The following SBNO1 variants were observed in gnomAD, a reference collection of about 807,000 sequenced individuals.
SBNO1 encodes strawberry notch homolog 1.
In SBNO1, 23 loss-of-function variants were observed where a neutral mutation model predicts 173.6. The ratio of observed to expected loss-of-function variants is 0.13; its 90% CI spans 0.10 to 0.19. The LOEUF (loss-of-function observed/expected upper bound fraction) is 0.19, where lower values mean the gene tolerates loss of function less well. Among genes scored for constraint, SBNO1 ranks in the 10% least tolerant of loss-of-function variants. The pLI is 1.00. For missense variants in SBNO1, 1,238 were observed against 1,671.2 expected, an observed-to-expected ratio of 0.74 and a Z score of 4.52; for synonymous variants, 632 against 571.5, an observed-to-expected ratio of 1.11 and a Z score of -1.51.
chr12:123,299,448 G>A (rs972487624), intron 30 of SBNO1, among the ~76,000 whole-genome samples: 4 of 151,828 alleles, frequency 2.6e-5, no homozygotes, highest in Admixed American at 6.6e-5. Flanking sequence ...TTGGGAGGCC[G>A]AAGCAGGCAG....
At position 123,364,204 on chromosome 12, in the gene SBNO1, G is replaced by C. The variant is rs373136466; in HGVS notation, c.-1+497C>G. 83 of 985,668 alleles carry C rather than the reference G, an allele frequency of 8.4e-5. No individual in the cohort carries two copies. In the East Asian group the frequency reaches 5.4e-3, roughly 65 times the overall value. 61.1% of individuals were successfully genotyped at this position (985,668 alleles called of 1,614,324 possible). Reference sequence around the variant, plus strand: ...GCGCTGTGGGGTTCAGATTTAGGAAGGACGACCGCGTCGCCTGCCTCCCTC... The same window carrying C: ...GCGCTGTGGGGTTCAGATTTAGGAACGACGACCGCGTCGCCTGCCTCCCTC... On this transcript the variant is annotated intron_variant, in intron 1 of 31. Transcript: ENST00000602398.
chr12:123,307,982 G>C (rs769630867), intron 28 of SBNO1, among the ~76,000 whole-genome samples: 5 of 152,142 alleles, frequency 3.3e-5, no homozygotes, highest in Non-Finnish European at 7.4e-5. Context: ...TGTGGCAGGA[G>C]AATCGCTTGA....
chr12:123,356,839 T>C (rs1874517379), intron 1 of SBNO1, among the ~76,000 whole-genome samples: 1 of 152,238 alleles, frequency 6.6e-6, no homozygotes, highest in Non-Finnish European at 1.5e-5. Context: ...TAGAATAAAC[T>C]GGTGGACATT....
chr12:123,344,005 A>G (rs1467270709), intron 4 of SBNO1, among the ~76,000 whole-genome samples: 1 of 152,162 alleles, frequency 6.6e-6, no homozygotes, highest in Admixed American at 6.6e-5. Context: ...CTCCAAATCT[A>G]TCCCGTTTTC....
chr12:123,363,831 A>G, intron 1 of SBNO1: 1 of 983,832 alleles, frequency 1.0e-6, no homozygotes, highest in Non-Finnish European at 1.2e-6. Flanking sequence ...AGAAGCACAA[A>G]GCAGGGGTGG....
At chr12:123,355,436 T>C (rs1213193985) in intron 1 of SBNO1, among the ~76,000 whole-genome samples, 1 of 151,998 alleles carries the variant, frequency 6.6e-6, no homozygotes, top group African/African-American at 2.4e-5. Context: ...TGAAACCGTC[T>C]CCTCTAAAAA....
At chr12:123,351,932 G>A (rs769912373) in intron 1 of SBNO1, among the ~76,000 whole-genome samples, 7 of 152,068 alleles carry the variant, frequency 4.6e-5, no homozygotes, top group Non-Finnish European at 7.4e-5. Context: ...AATAAACACC[G>A]AGCCCAGAAG....
At chr12:123,313,056 A>G (rs1029176807) in intron 24 of SBNO1, among the ~76,000 whole-genome samples, 1 of 151,968 alleles carries the variant, frequency 6.6e-6, no homozygotes, top group Admixed American at 6.6e-5. Context: ...TACAAAAATT[A>G]GCTGGGTGTG....
At position 123,320,869 on chromosome 12, in the gene SBNO1, GAGT is replaced by G. The variant is rs1382669182; in HGVS notation, c.2324-6_2324-4del. 6.4e-7 allele frequency: 1 copy of G among 1,556,882 alleles called. No individual in the cohort carries two copies. Among genetic ancestry groups the G allele is most frequent in the Non-Finnish European group, 8.7e-7 (1 of 1,151,336 alleles). ...GTCTTTTCTAATTAACCAGGGATCT[GAGT>G]GTTAAGGAAAGATACATGTCAAATC... On this transcript the variant is annotated splice_region_variant and splice_polypyrimidine_tract_variant and intron_variant, in intron 17 of 31. Transcript: ENST00000602398.
intron 1 of SBNO1, among the ~76,000 whole-genome samples, chr12:123,361,740 A>AAT (rs1555253274): frequency 2.0e-5 from 3 of 151,224 alleles, no homozygotes; most frequent in East Asian, 3.9e-4. Context: ...AAAAAAAAAA[A>AAT]AAAAATACAA....
intron 28 of SBNO1, 36 bp from the exon 29 acceptor site, chr12:123,304,755 T>A: frequency 2.3e-6 from 3 of 1,295,182 alleles, no homozygotes; most frequent in South Asian, 1.3e-5. Context: ...AAAGATTTTA[T>A]AATACACACT....
At chr12:123,347,227 TTTG>T (rs548398245) in intron 3 of SBNO1, among the ~76,000 whole-genome samples, 49 of 152,134 alleles carry the variant, frequency 3.2e-4, no homozygotes, top group East Asian at 7.7e-4. Flanking sequence ...ATTATGCTTT[TTTG>T]TTGTTGTTGT....
rs1052557701 is a variant in SBNO1, at chr12:123,293,805, T to C, written c.*2103A>G. On this transcript the variant is annotated 3_prime_UTR_variant, in exon 32 of 32. Transcript: ENST00000602398. ...TGCCCTCATACACAGAAAAGAGGAG[T>C]TGGGCCAACAGCCTGCGAGAGAAGA... 2.0e-5 allele frequency: 3 copies of C among 152,058 alleles called. No homozygotes were observed. The highest frequency in any genetic ancestry group is 2.4e-5 in the African/African-American group (1 of 41,390). The allele number at this position is 152,058 out of a possible 1,614,324, so 9.4% of individuals were successfully genotyped here.
chr12:123,328,068 A>C (rs941652001), intron 10 of SBNO1, 41 bp from the exon 11 acceptor site: 13 of 1,470,712 alleles, frequency 8.8e-6, no homozygotes, highest in Non-Finnish European at 1.2e-5. Flanking sequence ...ATTAGTATTA[A>C]GTAAGAATCT....
intron 1 of SBNO1, among the ~76,000 whole-genome samples, chr12:123,357,577 C>T (rs994779112): frequency 3.3e-5 from 5 of 150,730 alleles, no homozygotes; most frequent in African/African-American, 4.9e-5. Flanking sequence ...CCCATCTCTA[C>T]GAAAAATACA....
At chr12:123,338,709 C>T (rs955789854) in intron 5 of SBNO1, among the ~76,000 whole-genome samples, 14 of 151,428 alleles carry the variant, frequency 9.2e-5, no homozygotes, top group Non-Finnish European at 1.5e-4. Flanking sequence ...ATAAAAGAAA[C>T]AAAAATTATC....
chr12:123,322,119 T>C (rs74240784), intron 16 of SBNO1, among the ~76,000 whole-genome samples: 7,275 of 152,170 alleles, frequency 0.048, 304 homozygotes, highest in East Asian at 0.25. Flanking sequence ...AGAAAATCAA[T>C]AGAAAATCAA....
rs2048669802 is a variant in SBNO1 at position 123,298,260 on chromosome 12, C to A, written c.3846-89G>T. 6 of 1,105,694 alleles carry A rather than the reference C, an allele frequency of 5.4e-6. No homozygotes were observed. The South Asian group carries it at 6.9e-5, about 13-fold the overall frequency. 68.5% of individuals were successfully genotyped at this position (1,105,694 alleles called of 1,614,324 possible). A position where few individuals can be genotyped will look rare whatever the true frequency, so the allele number is the denominator to read the frequency against. On this transcript the variant is annotated intron_variant, in intron 30 of 31. Transcript: ENST00000602398. Reference sequence around the variant, plus strand: ...AGATTTACAAGGTCAACTCAAATTTCTTTTCTTTTCTTTTTTTTTTGTTGA... The same window carrying A: ...AGATTTACAAGGTCAACTCAAATTTATTTTCTTTTCTTTTTTTTTTGTTGA...
At chr12:123,317,664 A>G (rs1337925115) in intron 20 of SBNO1, among the ~76,000 whole-genome samples, 1 of 152,190 alleles carries the variant, frequency 6.6e-6, no homozygotes, top group Non-Finnish European at 1.5e-5. Context: ...GGTATCTTGG[A>G]ATACAAAGGT....
Sources: gnomAD v4.1 joint callset for allele counts (sites outside exome capture counted in the v4.1 genomes callset) on GRCh38, gnomAD v4.1.1 for gene constraint, MANE v1.5 for transcripts, NCBI Gene and HGNC (gene_info 2026-07-23, HGNC 2026-07-21) for gene names.